Variants in DEAF1 observed in about 807,000 individuals in gnomAD.
DEAF1 encodes DEAF1 transcription factor.
A neutral mutation model predicts 58.9 loss-of-function variants in DEAF1; 53 were observed. That is an observed-to-expected ratio of 0.90 (90% CI 0.72 to 1.13). The LOEUF (loss-of-function observed/expected upper bound fraction) is 1.13. Ranked by LOEUF, DEAF1 falls within the 50% of genes most tolerant of loss-of-function variation. The pLI is 0.00. For synonymous variants in DEAF1, 385 were observed against 340.4 expected, an observed-to-expected ratio of 1.13 and a Z score of -1.44; for missense variants, 685 against 791.4, an observed-to-expected ratio of 0.87 and a Z score of 1.61.
intron 10 of DEAF1, among the ~76,000 whole-genome samples, chr11:656,616 G>A (rs1051179244): frequency 2.0e-5 from 3 of 152,228 alleles, no homozygotes; most frequent in African/African-American, 7.2e-5. Flanking sequence ...GGTGGGGTGG[G>A]AGGCTGGCGG....
At chr11:686,401 G>A (rs1564949268) in intron 5 of DEAF1, among the ~76,000 whole-genome samples, 1 of 151,754 alleles carries the variant, frequency 6.6e-6, no homozygotes, top group Admixed American at 6.6e-5. Context: ...ATTTGCAAAA[G>A]TCTCTACAGG....
intron 9 of DEAF1, 26 bp downstream of exon 9, chr11:678,668 A>G (rs1465898795): frequency 1.2e-6 from 2 of 1,613,530 alleles, no homozygotes; most frequent in African/African-American, 1.3e-5. Context: ...AATAACCTGT[A>G]CATGTGTGAA....
upstream of DEAF1, chr11:695,898 T>C: frequency 8.3e-7 from 1 of 1,205,030 alleles, no homozygotes; most frequent in South Asian, 4.1e-5. Context: ...GGGCGCGGCG[T>C]TTCCCTGTGG....
chr11:682,020 C>A (rs1215040901), intron 6 of DEAF1, among the ~76,000 whole-genome samples: 1 of 152,234 alleles, frequency 6.6e-6, no homozygotes, highest in African/African-American at 2.4e-5. Context: ...TCTCTGGGAT[C>A]CTTGCTGCTG....
At chr11:680,845 T>C (rs1860327833) in intron 7 of DEAF1, 118 bp downstream of exon 7, 2 of 1,456,894 alleles carry the variant, frequency 1.4e-6, no homozygotes, top group Non-Finnish European at 1.9e-6. Context: ...GGAATCCCTC[T>C]GGCCACGCAA....
At chr11:704,566 TG>T (rs1428790690) in intron 1 of DEAF1, 1 of 1,289,082 alleles carries the variant, frequency 7.8e-7, no homozygotes, top group East Asian at 5.6e-5. Flanking sequence ...ACCTGCCATC[TG>T]GAGGACCCAG....
intron 9 of DEAF1, among the ~76,000 whole-genome samples, 162 bp from the exon 10 acceptor site, chr11:674,945 C>T (rs1485614030): frequency 6.6e-6 from 1 of 151,724 alleles, no homozygotes; most frequent in Non-Finnish European, 1.5e-5. Context: ...GAGATCGAGA[C>T]CATCCTGGCT....
chr11:667,104 G>A (rs111689458), intron 10 of DEAF1, among the ~76,000 whole-genome samples: 2,759 of 151,988 alleles, frequency 0.018, 77 homozygotes, highest in African/African-American at 0.062. Context: ...GAAGGCTGAG[G>A]TAAGAGGATC....
rs557701242 is a variant in DEAF1 at position 665,306 on chromosome 11, G to A, written c.1503+9230C>T. Among the ~76,000 whole-genome samples the A allele has an allele frequency of 2.0e-5, 3 of 152,104 alleles. No individual in the cohort carries two copies. In the South Asian group the frequency reaches 6.2e-4, roughly 32 times the overall value. On this transcript the variant is annotated intron_variant, in intron 10 of 11. Coordinates refer to ENST00000382409, the MANE Select transcript of DEAF1 (RefSeq NM_021008.4). ...AAGTCCTGGCTCAGCTATTCACACT[G>A]AGAGGAGGAGGACAGGGTGTCACAC...
chr11:647,431 G>A (rs567412964), intron 11 of DEAF1, among the ~76,000 whole-genome samples: 3 of 152,092 alleles, frequency 2.0e-5, no homozygotes, highest in Non-Finnish European at 4.4e-5. Flanking sequence ...CTCCAGCCTG[G>A]GTGACAGAGC....
At chr11:701,785 C>T (rs900658849) in intron 1 of DEAF1, among the ~76,000 whole-genome samples, 3 of 152,174 alleles carry the variant, frequency 2.0e-5, no homozygotes, top group Admixed American at 2.0e-4. Context: ...CTTGGCCTCC[C>T]AAAGTGCCTG....
At chr11:702,954 G>A (rs748444751) in intron 1 of DEAF1, 5 of 1,606,704 alleles carry the variant, frequency 3.1e-6, no homozygotes, top group Non-Finnish European at 3.4e-6. Context: ...GGCACCAGGG[G>A]CAACCTGACA....
intron 10 of DEAF1, among the ~76,000 whole-genome samples, chr11:671,852 A>AC (rs1564937913): frequency 4.1e-5 from 6 of 147,398 alleles, no homozygotes; most frequent in Admixed American, 6.8e-5. Flanking sequence ...AAAAAAAAGA[A>AC]ACACAAAAAA....
chr11:683,787 T>C (rs1342639715), intron 6 of DEAF1, among the ~76,000 whole-genome samples: 1 of 152,336 alleles, frequency 6.6e-6, no homozygotes, highest in African/African-American at 2.4e-5. Flanking sequence ...CAATCTTCCC[T>C]GGTCTCTCTC....
At chr11:705,730 T>G (rs1056386209) in intron 1 of DEAF1, among the ~76,000 whole-genome samples, 36 of 152,148 alleles carry the variant, frequency 2.4e-4, no homozygotes, top group Non-Finnish European at 1.0e-4. Flanking sequence ...CTGGGGCACC[T>G]GAGGGGTGCA....
At chr11:704,713 C>T in intron 1 of DEAF1, 1 of 1,215,290 alleles carries the variant, frequency 8.2e-7, no homozygotes, top group Non-Finnish European at 1.1e-6. Flanking sequence ...ACAGGGAACG[C>T]CATGGCTCCA....
Position 694,826 on chromosome 11 carries a change from C to A in DEAF1, c.222G>T (p.Gly74=). The A allele has an allele frequency of 6.9e-7, 1 of 1,453,752 alleles. No homozygotes were observed. Among genetic ancestry groups the A allele is most frequent in the Admixed American group, 2.3e-5 (1 of 42,772 alleles). 90.1% of individuals were successfully genotyped at this position (1,453,752 alleles called of 1,614,324 possible). A position where few individuals can be genotyped will look rare whatever the true frequency, so the allele number is the denominator to read the frequency against. The part of the protein sequence containing the change: ...TAVAVMAAEP[G]HMDMGAEALP... ...GGGCCTCGGCGCCCATGTCCATGTG[C>A]CCGGGCTCCGCCGCCATCACCGCCA... The change falls in exon 1 of 12, where the codon GGG becomes GGT. Residue 74 remains glycine (G), a synonymous_variant. Transcript: ENST00000382409.
intron 11 of DEAF1, among the ~76,000 whole-genome samples, chr11:645,814 AGCTGAGACG>A (rs1283312103): frequency 6.6e-6 from 1 of 152,218 alleles, no homozygotes. Context: ...CAGGTGCTGA[AGCTGAGACG>A]GCCTCGTCAG....
At position 674,861 on chromosome 11, in the gene DEAF1, T is replaced by C. The variant is rs1859986620; in HGVS notation, c.1256-78A>G. On this transcript the variant is annotated intron_variant, in intron 9 of 11. Transcript: ENST00000382409. ...TCAAAATGGCCTCCGTTAAAAATTCTCAGCCGGGCGCGGTGGCTCACGCCT... is the reference window on the plus strand; with the variant it reads ...TCAAAATGGCCTCCGTTAAAAATTCCCAGCCGGGCGCGGTGGCTCACGCCT... 3 of 1,590,810 alleles carry C rather than the reference T, an allele frequency of 1.9e-6. No homozygotes were observed. In the Admixed American group the frequency reaches 5.0e-5, roughly 27 times the overall value.
Sources: gnomAD v4.1 joint callset for allele counts (sites outside exome capture counted in the v4.1 genomes callset) on GRCh38, gnomAD v4.1.1 for gene constraint, MANE v1.5 for transcripts, NCBI Gene and HGNC (gene_info 2026-07-23, HGNC 2026-07-21) for gene names.